Variants in HMGXB3 observed in about 807,000 individuals in gnomAD.
HMGXB3 encodes HMG domain-containing protein 3.
Under a neutral mutation model 121.5 loss-of-function variants are expected in HMGXB3, and 45 were observed. That is an observed-to-expected ratio of 0.37 (90% CI 0.29 to 0.47). The LOEUF (loss-of-function observed/expected upper bound fraction) is 0.47. Among genes scored for constraint, HMGXB3 ranks in the 20% least tolerant of loss-of-function variants. HMGXB3 has a pLI of 0.99. For missense variants in HMGXB3, 1,376 were observed against 1,602.2 expected (o/e 0.86, Z 2.41); for synonymous variants, 590 against 624.1 (o/e 0.95, Z 0.81).
At chr5:150,031,866 A>G (rs1218565011) in intron 10 of HMGXB3, among the ~76,000 whole-genome samples, 1 of 152,140 alleles carries the variant, frequency 6.6e-6, no homozygotes, top group Non-Finnish European at 1.5e-5. Context: ...TGTGTCTCTT[A>G]TCCTGGAGAT....
chr5:150,025,885 G>GAGTGC (rs1286500679), intron 7 of HMGXB3, among the ~76,000 whole-genome samples: 1 of 149,570 alleles, frequency 6.7e-6, no homozygotes, highest in East Asian at 2.0e-4. Flanking sequence ...GCCCAGGCTG[G>GAGTGC]AGTGGCGCCA....
At position 150,047,673 on chromosome 5, in the gene HMGXB3, T is replaced by G. The variant is rs533575657; in HGVS notation, c.3000T>G (p.Leu1000=). The change falls in exon 17 of 20, where the codon CTT becomes CTG. Residue 1000 remains leucine, a synonymous_variant. Coordinates refer to ENST00000502717, the MANE Select transcript of HMGXB3 (RefSeq NM_014983.3). ...TGCTCCAGGAGGGCACCTGCAAGCT[T>G]GATGAGATTGGCTCCTACAGTGAAG... ...VRLLQEGTCK[L]DEIGSYSEEK... 6.4e-7 allele frequency: 1 copy of G among 1,551,720 alleles called. No individual in the cohort carries two copies. The highest frequency in any genetic ancestry group is 1.4e-5 in the African/African-American group (1 of 73,174).
At chr5:150,042,274 A>G (rs1265444171) in intron 15 of HMGXB3, among the ~76,000 whole-genome samples, 1 of 152,238 alleles carries the variant, frequency 6.6e-6, no homozygotes, top group Non-Finnish European at 1.5e-5. Context: ...TAGTAGTTAA[A>G]CAAAGTTTCT....
chr5:150,046,654 C>G (rs892463845), intron 16 of HMGXB3, among the ~76,000 whole-genome samples: 4 of 151,740 alleles, frequency 2.6e-5, no homozygotes, highest in African/African-American at 7.3e-5. Flanking sequence ...CTACTAAAAA[C>G]ACAAAAAATT....
intron 5 of HMGXB3, among the ~76,000 whole-genome samples, chr5:150,015,646 T>C (rs1755943164): frequency 6.6e-6 from 1 of 152,240 alleles, no homozygotes; most frequent in Non-Finnish European, 1.5e-5. Context: ...TAAGCACTGC[T>C]TTAGTGGCAT....
chr5:150,050,572 C>G, intron 19 of HMGXB3, 111 bp downstream of exon 19: 1 of 807,716 alleles, frequency 1.2e-6, no homozygotes. Context: ...ACCTCTGCCT[C>G]CCAGGTTCAA....
In HMGXB3 at chr5:150,001,336, C is replaced by A. The variant is rs571583537; in HGVS notation, c.-3+157C>A. Among the ~76,000 whole-genome samples, 20 of 152,336 alleles carry A rather than the reference C, an allele frequency of 1.3e-4. No individual in the cohort carries two copies. In the South Asian group the frequency reaches 2.7e-3, roughly 20 times the overall value. ...GTATGGGACATTCGGATGTCCCAGACGTCTTAGCTTGACCAAGACTTTGTC... is the reference window on the plus strand; with the variant it reads ...GTATGGGACATTCGGATGTCCCAGAAGTCTTAGCTTGACCAAGACTTTGTC... On this transcript the variant is annotated intron_variant, in intron 1 of 19. Coordinates refer to ENST00000502717, the MANE Select transcript of HMGXB3 (RefSeq NM_014983.3).
chr5:150,030,661 C>A, intron 9 of HMGXB3, 80 bp from the exon 10 acceptor site: 2 of 1,050,324 alleles, frequency 1.9e-6, no homozygotes, highest in South Asian at 1.4e-5. Context: ...GAAAGCATTC[C>A]CTCAAGTCGT....
At chr5:150,032,321 G>C in intron 10 of HMGXB3, 133 bp from the exon 11 acceptor site, 1 of 838,242 alleles carries the variant, frequency 1.2e-6, no homozygotes, top group East Asian at 2.7e-5. Context: ...TAAGGCTCTT[G>C]AAGTTAGGCT....
chr5:150,028,840 C>T (rs1213291278), intron 9 of HMGXB3, among the ~76,000 whole-genome samples: 1 of 151,936 alleles, frequency 6.6e-6, no homozygotes, highest in African/African-American at 2.4e-5. Context: ...TCCCAAAGTA[C>T]TGGGATTACA....
intron 5 of HMGXB3, 148 bp downstream of exon 5, chr5:150,012,501 G>A (rs1168500105): frequency 6.3e-6 from 4 of 635,248 alleles, no homozygotes; most frequent in Non-Finnish European, 1.1e-5. Context: ...TGCGAGGACT[G>A]GCAAAGATTT....
At chr5:150,024,092 A>C (rs1756163913) in intron 6 of HMGXB3, among the ~76,000 whole-genome samples, 170 bp from the exon 7 acceptor site, 1 of 152,234 alleles carries the variant, frequency 6.6e-6, no homozygotes, top group African/African-American at 2.4e-5. Flanking sequence ...TGTAGCCAGA[A>C]AACTTAGATT....
intron 15 of HMGXB3, 85 bp downstream of exon 15, chr5:150,042,054 G>A (rs375182953): frequency 3.2e-4 from 363 of 1,138,842 alleles, no homozygotes; most frequent in Non-Finnish European, 4.2e-4. Context: ...CCCAGGGGGT[G>A]GATAGCTCCA....
intron 4 of HMGXB3, among the ~76,000 whole-genome samples, chr5:150,010,820 T>G (rs900092571): frequency 2.0e-5 from 3 of 152,252 alleles, no homozygotes; most frequent in African/African-American, 4.8e-5. Context: ...TTTGCCCAGC[T>G]TAGCCAGAAT....
At chr5:150,002,308 C>G (rs1755591508) in intron 1 of HMGXB3, among the ~76,000 whole-genome samples, 1 of 152,088 alleles carries the variant, frequency 6.6e-6, no homozygotes, top group Non-Finnish European at 1.5e-5. Context: ...CTCCAAAAGA[C>G]TAGGAGCCAC....
rs776735952 is a variant in HMGXB3 at position 150,052,058 on chromosome 5, C to G, written c.3745C>G (p.His1249Asp). 19 of 1,551,826 alleles carry G rather than the reference C, an allele frequency of 1.2e-5. No individual in the cohort carries two copies. The highest frequency in any genetic ancestry group is 1.6e-5 in the Non-Finnish European group (18 of 1,147,060). Residue 1249 changes from histidine (H) to aspartate (D), a missense_variant, in exon 20 of 20, where the codon CAT becomes GAT. By Grantham distance (81) the His-to-Asp change is moderately conservative. This residue lies in a region of HMGXB3 where 260 missense variants were observed against 233.2 expected (regional missense o/e 1.11). Coordinates refer to ENST00000502717, the MANE Select transcript of HMGXB3 (RefSeq NM_014983.3). ...TSREIVNRQI[H>D]DIVQSCQPGE... ...CCGCGAAATTGTCAATCGTCAGATC[C>G]ATGACATTGTACAGAGCTGCCAGCC... is the stretch of plus-strand genomic sequence containing the variant.
rs1756980145 is a variant in HMGXB3, at chr5:150,053,093, C to T, written c.*901C>T. On this transcript the variant is annotated 3_prime_UTR_variant, in exon 20 of 20. Coordinates refer to ENST00000502717, the MANE Select transcript of HMGXB3 (RefSeq NM_014983.3). ...TGGAGTAGGTGGCTTTTTTTCCCTC[C>T]CTCTTCCCCCAACAAGAATAAAGTT... 1 of 180,714 alleles carries T rather than the reference C, an allele frequency of 5.5e-6. No individual in the cohort carries two copies. Among genetic ancestry groups the T allele is most frequent in the Non-Finnish European group, 1.2e-5 (1 of 84,640 alleles). The allele number at this position is 180,714 out of a possible 1,614,324, so 11.2% of individuals were successfully genotyped here.
At chr5:150,051,041 C>G (rs943540481) in intron 19 of HMGXB3, among the ~76,000 whole-genome samples, 9 of 152,178 alleles carry the variant, frequency 5.9e-5, no homozygotes, top group African/African-American at 1.7e-4. Flanking sequence ...TGAAGATACA[C>G]TGGTTTAGAA....
chr5:150,039,373 T>C (rs1756572444), intron 13 of HMGXB3, among the ~76,000 whole-genome samples: 1 of 152,220 alleles, frequency 6.6e-6, no homozygotes, highest in African/African-American at 2.4e-5. Context: ...TATTTTACTT[T>C]TTTTTTTCAG....
Sources: allele counts gnomAD v4.1 joint callset (sites outside exome capture counted in the v4.1 genomes callset), GRCh38; gene constraint gnomAD v4.1.1; regional missense constraint gnomAD v4.1.1; transcripts MANE v1.5; gene names NCBI Gene and HGNC (gene_info 2026-07-23, HGNC 2026-07-21).